Variants in GALNTL6 observed in about 807,000 individuals in gnomAD.
GALNTL6 encodes the protein polypeptide N-acetylgalactosaminyltransferase like 6.
GALNTL6 carries 46 observed loss-of-function variants against 73.7 expected under a neutral mutation model. The ratio of observed to expected loss-of-function variants is 0.62; its 90% confidence interval spans 0.49 to 0.80. GALNTL6 has a LOEUF of 0.80. GALNTL6 is among the 30% of genes least tolerant of loss of function. The pLI is 0.00. For synonymous variants in GALNTL6, 259 were observed against 263.7 expected (o/e 0.98, Z 0.17); for missense variants, 604 against 755.0 (o/e 0.80, Z 2.34).
chr4:171,824,482 A>G (rs1310054379), intron 2 of GALNTL6, among the ~76,000 whole-genome samples: 4 of 152,268 alleles, frequency 2.6e-5, no homozygotes, highest in East Asian at 1.9e-4. Context: ...TAAGGCTTTA[A>G]TAAGCTAATC....
In GALNTL6 at chr4:172,697,245, C is replaced by T. The variant is rs530869511; in HGVS notation, c.554-112116C>T. Among the ~76,000 whole-genome samples, 170 of 152,264 alleles carry T rather than the reference C, an allele frequency of 1.1e-3. 1 individual carries two copies. Among genetic ancestry groups the T allele is most frequent in the African/African-American group, 3.9e-3 (164 of 41,550 alleles). On this transcript the variant is annotated intron_variant, in intron 5 of 12. Coordinates refer to ENST00000506823, the MANE Select transcript of GALNTL6 (RefSeq NM_001034845.3). ...AGCTTTACTAACCATTATACATGTT[C>T]ATTTAGACCAGCAATAGAATTGCAA...
At chr4:171,872,593 G>A (rs1332759481) in intron 2 of GALNTL6, among the ~76,000 whole-genome samples, 1 of 152,148 alleles carries the variant, frequency 6.6e-6, no homozygotes, top group East Asian at 1.9e-4. Flanking sequence ...AAATCAAGGT[G>A]TTGGCAGAGC....
intron 5 of GALNTL6, among the ~76,000 whole-genome samples, chr4:172,741,381 G>A (rs1264038715): frequency 6.6e-6 from 1 of 152,058 alleles, no homozygotes; most frequent in Non-Finnish European, 1.5e-5. Context: ...GAGAAGAAAG[G>A]ATTTCCTCTT....
At chr4:172,606,708 A>G (rs1476699711) in intron 5 of GALNTL6, among the ~76,000 whole-genome samples, 1 of 124,088 alleles carries the variant, frequency 8.1e-6, no homozygotes, top group African/African-American at 2.9e-5. Flanking sequence ...TAGTGTGTAT[A>G]TATATAGTAT....
intron 5 of GALNTL6, among the ~76,000 whole-genome samples, chr4:172,406,918 A>G (rs1225710699): frequency 6.6e-6 from 1 of 152,028 alleles, no homozygotes. Context: ...TTAAATGTGA[A>G]TTAACGTCCA....
chr4:172,395,435 A>G (rs1454367608), intron 5 of GALNTL6, among the ~76,000 whole-genome samples: 1 of 152,180 alleles, frequency 6.6e-6, no homozygotes, highest in African/African-American at 2.4e-5. Context: ...TCTTTGGACA[A>G]CCATTAATAT....
intron 5 of GALNTL6, among the ~76,000 whole-genome samples, chr4:172,578,824 AT>A (rs1253633373): frequency 6.6e-6 from 1 of 152,232 alleles, no homozygotes; most frequent in African/African-American, 2.4e-5. Flanking sequence ...TGGTTATTAG[AT>A]TAGTGACAAA....
chr4:172,550,666 T>C (rs763031254), intron 5 of GALNTL6, among the ~76,000 whole-genome samples: 4 of 152,170 alleles, frequency 2.6e-5, no homozygotes, highest in Non-Finnish European at 5.9e-5. Flanking sequence ...AGTGTGATTA[T>C]AGTTCACTGC....
chr4:172,220,687 A>G, intron 2 of GALNTL6, among the ~76,000 whole-genome samples: 1 of 151,862 alleles, frequency 6.6e-6, no homozygotes, highest in East Asian at 1.9e-4. Flanking sequence ...GGCAAAAAAC[A>G]TGTTTGTTTT....
intron 2 of GALNTL6, among the ~76,000 whole-genome samples, chr4:171,971,346 G>T (rs371000858): frequency 6.6e-5 from 10 of 152,284 alleles, no homozygotes; most frequent in South Asian, 4.1e-4. Flanking sequence ...GGACTACAAG[G>T]TTCCAAAGAC....
intron 5 of GALNTL6, among the ~76,000 whole-genome samples, chr4:172,624,577 C>T (rs1243545058): frequency 6.6e-6 from 1 of 152,068 alleles, no homozygotes; most frequent in African/African-American, 2.4e-5. Context: ...ACATTGACCT[C>T]TAAAGTTTAT....
At chr4:172,116,099 A>G (rs1732977218) in intron 2 of GALNTL6, among the ~76,000 whole-genome samples, 1 of 152,072 alleles carries the variant, frequency 6.6e-6, no homozygotes, top group Admixed American at 6.6e-5. Context: ...CTAAACATGT[A>G]GGTATTATAT....
At chr4:171,831,689 T>G (rs558201) in intron 2 of GALNTL6, among the ~76,000 whole-genome samples, 42,646 of 151,600 alleles carry the variant, frequency 0.28, 6,208 homozygotes, top group Middle Eastern at 0.36. Context: ...TTTAAATTGG[T>G]TCTTTTTCCT....
chr4:172,978,813 G>C (rs983718072), intron 10 of GALNTL6, among the ~76,000 whole-genome samples: 1 of 152,170 alleles, frequency 6.6e-6, no homozygotes, highest in African/African-American at 2.4e-5. Flanking sequence ...AATGATCACT[G>C]TTCTCAGCTC....
intron 5 of GALNTL6, among the ~76,000 whole-genome samples, chr4:172,645,713 G>A (rs1176625766): frequency 2.0e-5 from 3 of 151,804 alleles, no homozygotes; most frequent in Non-Finnish European, 4.4e-5. Context: ...AGAAAATGAA[G>A]GTCCCTCCAA....
chr4:171,982,275 T>C (rs1739917955), intron 2 of GALNTL6, among the ~76,000 whole-genome samples: 3 of 143,532 alleles, frequency 2.1e-5, no homozygotes, highest in East Asian at 2.0e-4. Flanking sequence ...ATTCACCTAA[T>C]AGACGAAAGT....
chr4:172,194,705 A>G (rs559021745), intron 2 of GALNTL6, among the ~76,000 whole-genome samples: 1 of 152,326 alleles, frequency 6.6e-6, no homozygotes, highest in East Asian at 1.9e-4. Context: ...TAAGCTTCAT[A>G]AGTGAAACAG....
intron 3 of GALNTL6, among the ~76,000 whole-genome samples, chr4:172,304,692 C>T (rs1020935309): frequency 7.9e-5 from 12 of 152,010 alleles, no homozygotes; most frequent in Admixed American, 2.6e-4. Flanking sequence ...TTCCCCCGGA[C>T]ATAAACCTAC....
At chr4:172,765,787 C>T (rs1738370827) in intron 5 of GALNTL6, among the ~76,000 whole-genome samples, 1 of 151,942 alleles carries the variant, frequency 6.6e-6, no homozygotes, top group Non-Finnish European at 1.5e-5. Flanking sequence ...GATATCTCTT[C>T]ATACTCATCC....
Sources: gnomAD v4.1 joint callset for allele counts (sites outside exome capture counted in the v4.1 genomes callset) on GRCh38, gnomAD v4.1.1 for gene constraint, MANE v1.5 for transcripts, NCBI Gene and HGNC (gene_info 2026-07-23, HGNC 2026-07-21) for gene names.